Variants in PLCB1 observed in about 807,000 individuals in gnomAD.
PLCB1 encodes the protein phospholipase C beta 1, also known as 1-phosphatidylinositol 4,5-bisphosphate phosphodiesterase beta-1.
In PLCB1, 46 loss-of-function variants were observed where a neutral mutation model predicts 161.8. The ratio of observed to expected loss-of-function variants is 0.28; its 90% confidence interval spans 0.22 to 0.36. PLCB1 has a LOEUF of 0.36. Among genes scored for constraint, PLCB1 ranks in the 10% least tolerant of loss-of-function variants. PLCB1 has a pLI of 1.00. For synonymous variants in PLCB1, 517 were observed against 503.7 expected, an observed-to-expected ratio of 1.03 and a Z score of -0.35; for missense variants, 1,016 against 1,472.5, an observed-to-expected ratio of 0.69 and a Z score of 5.07.
intron 3 of PLCB1, among the ~76,000 whole-genome samples, chr20:8,575,117 C>T (rs943877050): frequency 3.3e-5 from 5 of 152,184 alleles, no homozygotes; most frequent in African/African-American, 9.7e-5. Flanking sequence ...CTCAGTGATA[C>T]TTAGTGACTT....
intron 31 of PLCB1, among the ~76,000 whole-genome samples, chr20:8,856,022 C>T (rs180880993): frequency 1.3e-5 from 2 of 152,226 alleles, no homozygotes; most frequent in Admixed American, 6.5e-5. Context: ...TAATACACAC[C>T]CATATACACC....
intron 5 of PLCB1, 77 bp downstream of exon 5, chr20:8,646,258 T>G: frequency 1.0e-6 from 1 of 966,360 alleles, no homozygotes; most frequent in East Asian, 2.4e-5. Flanking sequence ...GAGTCTTCCG[T>G]TTATGCCATA....
intron 2 of PLCB1, among the ~76,000 whole-genome samples, chr20:8,160,004 A>G (rs1429024213): frequency 1.6e-4 from 24 of 151,284 alleles, no homozygotes; most frequent in East Asian, 5.8e-4. Context: ...AAAAAAAAAA[A>G]AAAAGAAAAA....
intron 3 of PLCB1, among the ~76,000 whole-genome samples, chr20:8,620,759 A>G (rs1036650638): frequency 1.3e-5 from 2 of 151,048 alleles, no homozygotes; most frequent in African/African-American, 2.4e-5. Flanking sequence ...AAAAAAAAAA[A>G]AAAAAAAAAA....
intron 3 of PLCB1, among the ~76,000 whole-genome samples, chr20:8,485,277 C>T (rs1219242477): frequency 2.0e-5 from 3 of 152,150 alleles, no homozygotes; most frequent in Non-Finnish European, 4.4e-5. Flanking sequence ...ACTCATTTGT[C>T]TCCATTGGGT....
intron 18 of PLCB1, among the ~76,000 whole-genome samples, chr20:8,730,336 T>C (rs920433346): frequency 1.4e-4 from 22 of 151,972 alleles, no homozygotes; most frequent in African/African-American, 5.3e-4. Flanking sequence ...TTTTTTTTCA[T>C]CCTAAACAAT....
chr20:8,651,335 A>G, intron 7 of PLCB1: 1 of 669,434 alleles, frequency 1.5e-6, no homozygotes, highest in South Asian at 1.6e-5. Context: ...TTTTCAAAAC[A>G]GCAAAGTTCA....
intron 2 of PLCB1, among the ~76,000 whole-genome samples, chr20:8,217,733 C>T (rs1016414967): frequency 2.0e-5 from 3 of 152,124 alleles, no homozygotes; most frequent in African/African-American, 7.2e-5. Context: ...AATGGCTTTT[C>T]AGAGGTGATT....
intron 2 of PLCB1, among the ~76,000 whole-genome samples, chr20:8,157,967 T>C (rs1267037709): frequency 1.3e-5 from 2 of 152,222 alleles, no homozygotes; most frequent in Admixed American, 1.3e-4. Context: ...CCTAATATAA[T>C]TTAATTACAA....
intron 3 of PLCB1, among the ~76,000 whole-genome samples, chr20:8,599,526 C>A: frequency 9.1e-6 from 1 of 110,338 alleles, no homozygotes; most frequent in Non-Finnish European, 1.9e-5. Context: ...TCTGGCTGCC[C>A]TTAACATTTT....
chr20:8,799,430 TCTA>T (rs1207639396), intron 31 of PLCB1, among the ~76,000 whole-genome samples: 5 of 152,220 alleles, frequency 3.3e-5, no homozygotes, highest in Admixed American at 1.3e-4. Flanking sequence ...TATTTCCACT[TCTA>T]CTTCTGTGTG....
intron 31 of PLCB1, among the ~76,000 whole-genome samples, chr20:8,846,263 G>C (rs1234578842): frequency 6.6e-6 from 1 of 150,772 alleles, no homozygotes; most frequent in Non-Finnish European, 1.5e-5. Context: ...TCACTATTAT[G>C]AGAACAGCAA....
chr20:8,647,832 T>C, intron 5 of PLCB1, 68 bp from the exon 6 acceptor site: 2 of 1,264,074 alleles, frequency 1.6e-6, no homozygotes, highest in Middle Eastern at 2.1e-4. Flanking sequence ...TTTGAGTGTA[T>C]TTTATTGTTC....
chr20:8,331,820 T>C (rs982291489), intron 2 of PLCB1, among the ~76,000 whole-genome samples: 5 of 152,206 alleles, frequency 3.3e-5, no homozygotes, highest in Non-Finnish European at 7.3e-5. Context: ...ATTCTGTGGA[T>C]TTTTTGTGTT....
At chr20:8,567,053 C>A (rs1299484155) in intron 3 of PLCB1, among the ~76,000 whole-genome samples, 1 of 152,092 alleles carries the variant, frequency 6.6e-6, no homozygotes. Context: ...TTGATCAGAT[C>A]ACATCTAATT....
rs549988154 is a variant in PLCB1 at position 8,636,780 on chromosome 20, C to T, written c.384+8349C>T. ...TGTCAAACTGAAGGGAAAATGTCAA[C>T]GCTGAGACATAGAAATGACTGTGAT... On this transcript the variant is annotated intron_variant, in intron 4 of 31. Coordinates refer to ENST00000338037, the MANE Select transcript of PLCB1 (RefSeq NM_015192.4). 6.6e-5 allele frequency among the ~76,000 whole-genome samples: 10 copies of T among 152,262 alleles called. No homozygotes were observed. In the East Asian group the frequency reaches 7.7e-4, roughly 12 times the overall value.
At chr20:8,749,161 T>C (rs1488854843) in intron 23 of PLCB1, among the ~76,000 whole-genome samples, 3 of 152,110 alleles carry the variant, frequency 2.0e-5, no homozygotes, top group African/African-American at 4.8e-5. Context: ...AAAACACAGA[T>C]CGATGGGTGT....
intron 4 of PLCB1, among the ~76,000 whole-genome samples, chr20:8,645,271 C>T (rs1004295552): frequency 4.0e-5 from 6 of 151,516 alleles, no homozygotes; most frequent in African/African-American, 1.2e-4. Flanking sequence ...CCTGCCAAAT[C>T]CCCCTCTGTG....
At chr20:8,452,955 A>G (rs142456081) in intron 3 of PLCB1, among the ~76,000 whole-genome samples, 1 of 152,352 alleles carries the variant, frequency 6.6e-6, no homozygotes, top group Non-Finnish European at 1.5e-5. Flanking sequence ...ACCAGCTGAC[A>G]TGGATGCCAG....
Sources: gnomAD v4.1 joint callset for allele counts (sites outside exome capture counted in the v4.1 genomes callset) on GRCh38, gnomAD v4.1.1 for gene constraint, MANE v1.5 for transcripts, NCBI Gene and HGNC (gene_info 2026-07-23, HGNC 2026-07-21) for gene names.